DNAL4: variants seen among roughly 807,000 people sequenced by gnomAD.
DNAL4 encodes the protein dynein light chain, outer arm 4.
Under a neutral mutation model 12.6 loss-of-function variants are expected in DNAL4, and 10 were observed. The observed-to-expected ratio is 0.79, with a 90% CI of 0.49 to 1.34. DNAL4 has a LOEUF of 1.34. Ranked by LOEUF, DNAL4 falls within the 40% of genes most tolerant of loss-of-function variation. DNAL4 has a pLI of 0.00. For missense variants in DNAL4, 128 were observed against 138.1 expected (o/e 0.93, Z 0.37); for synonymous variants, 46 against 53.1 (o/e 0.87, Z 0.58).
chr22:38,786,111 T>G (rs145719014), intron 1 of DNAL4: 1 of 152,318 alleles, frequency 6.6e-6, no homozygotes, highest in East Asian at 1.9e-4. Flanking sequence ...GCTAGAGTCA[T>G]TCAGCCACAG....
At chr22:38,783,383 TAC>T (rs1569317574) in intron 1 of DNAL4, among the ~76,000 whole-genome samples, 2 of 115,478 alleles carry the variant, frequency 1.7e-5, no homozygotes, top group Non-Finnish European at 3.7e-5. Flanking sequence ...TCCCACTGCA[TAC>T]ACGGGCCTTC....
chr22:38,785,998 C>G (rs1363109286), intron 1 of DNAL4: 1 of 152,108 alleles, frequency 6.6e-6, no homozygotes, highest in Non-Finnish European at 1.5e-5. Context: ...TTCTGGGGAC[C>G]TAAAAGAGAT....
intron 1 of DNAL4, among the ~76,000 whole-genome samples, chr22:38,791,772 CATCCA>C (rs2093050956): frequency 6.6e-6 from 1 of 151,984 alleles, no homozygotes; most frequent in Non-Finnish European, 1.5e-5. Context: ...CTCAATGCAA[CATCCA>C]CCATCCGGGT....
In DNAL4 at chr22:38,779,813, C is replaced by T. The variant is rs552015950; in HGVS notation, c.154-200G>A. On this transcript the variant is annotated intron_variant, in intron 3 of 3. Coordinates refer to ENST00000216068, the MANE Select transcript of DNAL4 (RefSeq NM_005740.3). The surrounding 1 kb of genome is among the most constrained non-coding windows in gnomAD (Gnocchi z 4.3). ...AGGTCTATTACACAGGCACAGAAAA[C>T]TAGACATTACTCAGCAGTCAAGAAG... Among the ~76,000 whole-genome samples the T allele has an allele frequency of 6.6e-6, 1 of 152,278 alleles. No individual in the cohort carries two copies. The highest frequency in any genetic ancestry group is 1.9e-4 in the East Asian group (1 of 5,178).
At chr22:38,780,741 G>T in intron 3 of DNAL4, 185 bp downstream of exon 3, 1 of 592,760 alleles carries the variant, frequency 1.7e-6, no homozygotes, top group African/African-American at 1.9e-5. Context: ...GGGTGTGACC[G>T]TCAGTGCCTG....
At chr22:38,788,586 C>T (rs913666887) in intron 1 of DNAL4, among the ~76,000 whole-genome samples, 3 of 152,136 alleles carry the variant, frequency 2.0e-5, no homozygotes, top group African/African-American at 7.2e-5. Context: ...CACACATGCA[C>T]CCTCAAGGAC....
Position 38,779,816 on chromosome 22 carries a change from G to C in DNAL4, c.154-203C>G, listed in dbSNP as rs2093031536. Among the ~76,000 whole-genome samples, 1 of 152,158 alleles carries C rather than the reference G, an allele frequency of 6.6e-6. No homozygotes were observed. The highest frequency in any genetic ancestry group is 6.5e-5 in the Admixed American group (1 of 15,278). On this transcript the variant is annotated intron_variant, in intron 3 of 3. Coordinates refer to ENST00000216068, the MANE Select transcript of DNAL4 (RefSeq NM_005740.3). This position sits in a 1 kb window ranked among gnomAD's most constrained non-coding sequence, Gnocchi z 4.3. ...TCTATTACACAGGCACAGAAAACTAGACATTACTCAGCAGTCAAGAAGAAA... is the reference window on the plus strand; with the variant it reads ...TCTATTACACAGGCACAGAAAACTACACATTACTCAGCAGTCAAGAAGAAA...
At chr22:38,781,769 C>G (rs1177715552) in intron 2 of DNAL4, among the ~76,000 whole-genome samples, 1 of 152,168 alleles carries the variant, frequency 6.6e-6, no homozygotes, top group Admixed American at 6.5e-5. Context: ...GCTCCCATAC[C>G]CAGTCTCCAA....
At chr22:38,784,148 G>A (rs1261170068) in intron 1 of DNAL4, among the ~76,000 whole-genome samples, 1 of 152,298 alleles carries the variant, frequency 6.6e-6, no homozygotes, top group East Asian at 1.9e-4. Flanking sequence ...GCCGAGCACG[G>A]TAACTAACAG....
chr22:38,789,782 G>C (rs528080591), intron 1 of DNAL4, among the ~76,000 whole-genome samples: 1 of 152,238 alleles, frequency 6.6e-6, no homozygotes, highest in South Asian at 2.1e-4. Flanking sequence ...TGCTGGCAGG[G>C]GCAGCATTTG....
At chr22:38,784,807 C>G (rs922539939) in intron 1 of DNAL4, among the ~76,000 whole-genome samples, 4 of 152,190 alleles carry the variant, frequency 2.6e-5, no homozygotes, top group African/African-American at 9.7e-5. Flanking sequence ...GCTACCGCGC[C>G]CAGCCTGCTG....
intron 1 of DNAL4, among the ~76,000 whole-genome samples, chr22:38,792,480 A>C (rs558892129): frequency 6.6e-6 from 1 of 152,250 alleles, no homozygotes; most frequent in East Asian, 1.9e-4. Flanking sequence ...GACAGGTTTT[A>C]CCATGTTGGC....
At chr22:38,788,887 C>G (rs1424590871) in intron 1 of DNAL4, among the ~76,000 whole-genome samples, 1 of 152,208 alleles carries the variant, frequency 6.6e-6, no homozygotes, top group Non-Finnish European at 1.5e-5. Context: ...TAACTGTGCC[C>G]GTGAGTCCAG....
chr22:38,780,166 C>T (rs981896441), intron 3 of DNAL4, among the ~76,000 whole-genome samples: 7 of 152,214 alleles, frequency 4.6e-5, no homozygotes, highest in Admixed American at 3.3e-4. Context: ...CCCCGCTCGG[C>T]AGGGCGAGTC....
intron 1 of DNAL4, among the ~76,000 whole-genome samples, chr22:38,788,931 A>C (rs1168581061): frequency 6.6e-6 from 1 of 152,254 alleles, no homozygotes; most frequent in Non-Finnish European, 1.5e-5. Flanking sequence ...ATTTGGCTCT[A>C]GATGCCCCAG....
Position 38,782,736 on chromosome 22 carries a change from C to A in DNAL4, c.-5G>T. 1 of 1,611,844 alleles carries A rather than the reference C, an allele frequency of 6.2e-7. No individual in the cohort carries two copies. Among genetic ancestry groups the A allele is most frequent in the Non-Finnish European group, 8.5e-7 (1 of 1,179,188 alleles). On this transcript the variant is annotated 5_prime_UTR_variant, in exon 2 of 4. The change creates a new upstream start codon in the 5' untranslated region. Transcript: ENST00000216068. The surrounding 1 kb of genome is among the most constrained non-coding windows in gnomAD (Gnocchi z 5.1). Reference sequence around the variant, plus strand: ...CTTCCCTTCTGTTTCTCCCATGATCCTTCCACTGTGACCACTGGAGGAGAG... The same window carrying A: ...CTTCCCTTCTGTTTCTCCCATGATCATTCCACTGTGACCACTGGAGGAGAG...
intron 1 of DNAL4, among the ~76,000 whole-genome samples, chr22:38,785,047 A>G (rs2146166423): frequency 6.8e-6 from 1 of 147,992 alleles, no homozygotes; most frequent in East Asian, 2.0e-4. Context: ...TTATCTCATC[A>G]ATTCTGGGCA....
rs2093055081 is a variant in DNAL4, at chr22:38,794,089, C to G, written c.-161G>C. 1 of 152,234 alleles carries G rather than the reference C, an allele frequency of 6.6e-6. No individual in the cohort carries two copies. Among genetic ancestry groups the G allele is most frequent in the Non-Finnish European group, 1.5e-5 (1 of 68,064 alleles). The allele number at this position is 152,234 out of a possible 1,614,324, so 9.4% of individuals were successfully genotyped here. ...TCACCTGCTCCTGCGGGGGCCGGAG[C>G]CGGGGCCGCAGCCAGCGAACCCCCG... On this transcript the variant is annotated 5_prime_UTR_variant, in exon 1 of 4. Coordinates refer to ENST00000216068, the MANE Select transcript of DNAL4 (RefSeq NM_005740.3).
Position 38,779,964 on chromosome 22 carries a change from G to C in DNAL4, c.154-351C>G, listed in dbSNP as rs1440929508. Reference sequence around the variant, plus strand: ...CCCTCAGATGTAACCTGGACAAGCGGGGCACCAGGCAGTCTCAGGACCAAC... The same window carrying C: ...CCCTCAGATGTAACCTGGACAAGCGCGGCACCAGGCAGTCTCAGGACCAAC... On this transcript the variant is annotated intron_variant, in intron 3 of 3. Transcript: ENST00000216068. This position sits in a 1 kb window ranked among gnomAD's most constrained non-coding sequence, Gnocchi z 4.3. 6.6e-6 allele frequency among the ~76,000 whole-genome samples: 1 copy of C among 152,140 alleles called. No individual in the cohort carries two copies. The highest frequency in any genetic ancestry group is 1.5e-5 in the Non-Finnish European group (1 of 68,014).
Sources: allele counts gnomAD v4.1 joint callset (sites outside exome capture counted in the v4.1 genomes callset), GRCh38; gene constraint gnomAD v4.1.1; non-coding constraint Gnocchi (gnomAD v3.1); transcripts MANE v1.5; gene names NCBI Gene and HGNC (gene_info 2026-07-23, HGNC 2026-07-21).